Variants in ANGPT1 observed in about 807,000 individuals in gnomAD.
ANGPT1 encodes angiopoietin 1.
A neutral mutation model predicts 62.2 loss-of-function variants in ANGPT1; 17 were observed. That is an observed-to-expected ratio of 0.27 (90% CI 0.19 to 0.41). The LOEUF (loss-of-function observed/expected upper bound fraction) is 0.41, where lower values mean the gene tolerates loss of function less well. ANGPT1 is among the 10% of genes least tolerant of loss of function. ANGPT1 has a pLI of 1.00. For missense variants in ANGPT1, 478 were observed against 594.9 expected, an observed-to-expected ratio of 0.80 and a Z score of 2.04; for synonymous variants, 199 against 198.9, an observed-to-expected ratio of 1.00 and a Z score of 0.00.
At chr8:107,355,261 C>G (rs1816018678) in intron 1 of ANGPT1, among the ~76,000 whole-genome samples, 1 of 152,090 alleles carries the variant, frequency 6.6e-6, no homozygotes, top group Non-Finnish European at 1.5e-5. Context: ...TCTCTCCCTA[C>G]CAATATCACT....
intron 1 of ANGPT1, among the ~76,000 whole-genome samples, chr8:107,358,458 G>A (rs193233416): frequency 1.8e-3 from 279 of 152,060 alleles, no homozygotes; most frequent in African/African-American, 6.3e-3. Flanking sequence ...TTGGTGCCCT[G>A]GTGATGCTTG....
At position 107,491,457 on chromosome 8, in the gene ANGPT1, GA is replaced by G. The variant is rs1812952018; in HGVS notation, c.297+5804del. 2.0e-5 allele frequency among the ~76,000 whole-genome samples: 3 copies of G among 152,194 alleles called. No individual in the cohort carries two copies. In the South Asian group the frequency reaches 6.2e-4, roughly 32 times the overall value. On this transcript the variant is annotated intron_variant, in intron 1 of 8. Transcript: ENST00000517746. ...AGAAATAAAACAGTATAATAAGGTA[GA>G]AAGTCTCTTAGTAAAGTGGGGAAGG...
At chr8:107,300,708 T>C (rs1270937516) in intron 5 of ANGPT1, among the ~76,000 whole-genome samples, 1 of 151,948 alleles carries the variant, frequency 6.6e-6, no homozygotes, top group Non-Finnish European at 1.5e-5. Context: ...TATTATTTTT[T>C]CTTAGCCTAA....
intron 2 of ANGPT1, chr8:107,336,479 C>G (rs1260478912): frequency 1.6e-6 from 1 of 617,524 alleles, no homozygotes; most frequent in Admixed American, 5.5e-5. Context: ...TCCTGGCAAA[C>G]ATGGTGAAAC....
chr8:107,388,762 A>G (rs1320639407), intron 1 of ANGPT1, among the ~76,000 whole-genome samples: 1 of 152,164 alleles, frequency 6.6e-6, no homozygotes, highest in Non-Finnish European at 1.5e-5. Flanking sequence ...TGATTGGCTG[A>G]AGAGTATGGA....
At chr8:107,490,819 C>G (rs912848734) in intron 1 of ANGPT1, among the ~76,000 whole-genome samples, 1 of 152,072 alleles carries the variant, frequency 6.6e-6, no homozygotes, top group Non-Finnish European at 1.5e-5. Flanking sequence ...TACAAATGCA[C>G]GGACAACATA....
At chr8:107,329,116 T>C (rs1815359207) in intron 3 of ANGPT1, among the ~76,000 whole-genome samples, 1 of 152,058 alleles carries the variant, frequency 6.6e-6, no homozygotes, top group Non-Finnish European at 1.5e-5. Flanking sequence ...TATAAACAAG[T>C]ACTTGTGCAT....
At chr8:107,300,993 C>T (rs1054733721) in intron 5 of ANGPT1, among the ~76,000 whole-genome samples, 36 of 151,228 alleles carry the variant, frequency 2.4e-4, no homozygotes, top group African/African-American at 7.3e-4. Flanking sequence ...CATTACCAGG[C>T]GCAGTGGTTC....
At chr8:107,414,007 A>G (rs977146836) in intron 1 of ANGPT1, among the ~76,000 whole-genome samples, 4 of 152,254 alleles carry the variant, frequency 2.6e-5, no homozygotes, top group South Asian at 2.1e-4. Flanking sequence ...AATTCAGGAA[A>G]AATGAAGGTC....
chr8:107,406,146 A>T (rs141151622), intron 1 of ANGPT1, among the ~76,000 whole-genome samples: 1 of 151,894 alleles, frequency 6.6e-6, no homozygotes, highest in Non-Finnish European at 1.5e-5. Flanking sequence ...GAAAGATTTT[A>T]TCATATGTGT....
chr8:107,353,228 T>A (rs1214502014), intron 1 of ANGPT1, among the ~76,000 whole-genome samples: 1 of 152,158 alleles, frequency 6.6e-6, no homozygotes, highest in Admixed American at 6.5e-5. Flanking sequence ...AGACATTAAA[T>A]ATTATGAGCT....
intron 3 of ANGPT1, among the ~76,000 whole-genome samples, chr8:107,331,807 C>T (rs1209174805): frequency 1.3e-5 from 2 of 152,120 alleles, no homozygotes; most frequent in African/African-American, 2.4e-5. Flanking sequence ...TCACTCTGAA[C>T]GGTCTTACTG....
chr8:107,252,310 A>G (rs1447054852), intron 8 of ANGPT1, among the ~76,000 whole-genome samples: 1 of 152,206 alleles, frequency 6.6e-6, no homozygotes, highest in Non-Finnish European at 1.5e-5. Flanking sequence ...TCTGGGCTTC[A>G]AGATACAATC....
intron 8 of ANGPT1, among the ~76,000 whole-genome samples, chr8:107,253,121 A>G (rs904616280): frequency 3.9e-5 from 6 of 152,218 alleles, no homozygotes; most frequent in Non-Finnish European, 2.9e-5. Context: ...GTCACACTAG[A>G]GGCGTAACAA....
intron 4 of ANGPT1, among the ~76,000 whole-genome samples, chr8:107,306,282 A>T (rs936758488): frequency 2.6e-5 from 4 of 152,100 alleles, no homozygotes; most frequent in African/African-American, 9.7e-5. Context: ...ATCACATTGA[A>T]TTAGCCTCTC....
intron 5 of ANGPT1, among the ~76,000 whole-genome samples, chr8:107,300,836 G>GT (rs553173941): frequency 6.6e-6 from 1 of 151,938 alleles, no homozygotes; most frequent in Non-Finnish European, 1.5e-5. Flanking sequence ...TTGTAGAAGC[G>GT]TAAGCTTGAA....
intron 5 of ANGPT1, among the ~76,000 whole-genome samples, chr8:107,299,437 ACT>A (rs1586200349): frequency 7.0e-6 from 1 of 142,584 alleles, no homozygotes; most frequent in East Asian, 2.2e-4. Flanking sequence ...ACATATATAT[ACT>A]AAGCATATAT....
chr8:107,398,448 G>C (rs985084694), intron 1 of ANGPT1, among the ~76,000 whole-genome samples: 1 of 148,616 alleles, frequency 6.7e-6, no homozygotes, highest in Non-Finnish European at 1.5e-5. Context: ...TCATTTATAA[G>C]TTTTAAAATT....
chr8:107,345,530 A>G (rs992483749), intron 2 of ANGPT1, among the ~76,000 whole-genome samples: 1 of 152,234 alleles, frequency 6.6e-6, no homozygotes, highest in Non-Finnish European at 1.5e-5. Context: ...TGTGTTCCAG[A>G]AAAGTTATTG....
Sources: gnomAD v4.1 joint callset for allele counts (sites outside exome capture counted in the v4.1 genomes callset) on GRCh38, gnomAD v4.1.1 for gene constraint, MANE v1.5 for transcripts, NCBI Gene and HGNC (gene_info 2026-07-23, HGNC 2026-07-21) for gene names.